Variants in ETV1 observed in about 807,000 individuals in gnomAD.
ETV1 encodes the protein ETS translocation variant 1.
A neutral mutation model predicts 62.3 loss-of-function variants in ETV1; 27 were observed. The observed-to-expected ratio is 0.43, with a 90% confidence interval of 0.32 to 0.60. The LOEUF (loss-of-function observed/expected upper bound fraction) is 0.60, where lower values mean the gene tolerates loss of function less well. Among genes scored for constraint, ETV1 ranks in the 20% least tolerant of loss-of-function variants. The pLI is 0.06. For missense variants in ETV1, 605 were observed against 605.8 expected, an observed-to-expected ratio of 1.00 and a Z score of 0.01; for synonymous variants, 222 against 199.6, an observed-to-expected ratio of 1.11 and a Z score of -0.94.
intron 6 of ETV1, among the ~76,000 whole-genome samples, chr7:13,962,211 G>T (rs976375756): frequency 6.6e-6 from 1 of 151,308 alleles, no homozygotes; most frequent in Non-Finnish European, 1.5e-5. Context: ...ACGTGTGTGT[G>T]TGTATATATA....
chr7:13,923,266 T>C (rs932332418), intron 9 of ETV1, among the ~76,000 whole-genome samples: 3 of 152,240 alleles, frequency 2.0e-5, no homozygotes, highest in Non-Finnish European at 4.4e-5. Context: ...TTATAAACTC[T>C]GCAAGGGGAA....
chr7:13,913,200 T>C (rs746584955), intron 9 of ETV1, among the ~76,000 whole-genome samples: 11 of 152,196 alleles, frequency 7.2e-5, no homozygotes, highest in Middle Eastern at 3.2e-3. Flanking sequence ...ACGAATAAAA[T>C]GTACAAAGTT....
chr7:13,934,824 A>G (rs150306047), intron 8 of ETV1, among the ~76,000 whole-genome samples: 209 of 152,264 alleles, frequency 1.4e-3, no homozygotes, highest in African/African-American at 4.6e-3. Flanking sequence ...TGGGCCATGA[A>G]AGCAATATGT....
At chr7:13,965,352 C>G (rs1438035731) in intron 6 of ETV1, among the ~76,000 whole-genome samples, 1 of 152,194 alleles carries the variant, frequency 6.6e-6, no homozygotes, top group Non-Finnish European at 1.5e-5. Flanking sequence ...TGAGACAAAC[C>G]TCTATTGGAA....
At chr7:13,911,200 A>C in intron 10 of ETV1, 39 bp downstream of exon 10, 1 of 1,408,010 alleles carries the variant, frequency 7.1e-7, no homozygotes. Context: ...GATTATTCTG[A>C]ACGGTATTTA....
intron 5 of ETV1, among the ~76,000 whole-genome samples, chr7:13,981,265 TCTC>T (rs1377221448): frequency 1.3e-5 from 2 of 152,002 alleles, no homozygotes; most frequent in Non-Finnish European, 2.9e-5. Context: ...AGACAGCTGA[TCTC>T]CTCAGCAATT....
intron 11 of ETV1, among the ~76,000 whole-genome samples, chr7:13,908,697 G>A (rs370498633): frequency 2.0e-5 from 3 of 152,002 alleles, no homozygotes; most frequent in African/African-American, 4.8e-5. Flanking sequence ...CACAAAGCTC[G>A]GGAACATGGG....
intron 13 of ETV1, 149 bp from the exon 14 acceptor site, chr7:13,896,236 TAA>T (rs5882422): frequency 2.2e-4 from 104 of 480,340 alleles, no homozygotes; most frequent in Middle Eastern, 5.5e-4. Context: ...CAGATACACA[TAA>T]AAAAAAAAAA....
chr7:13,953,073 C>T (rs375309303), intron 6 of ETV1, among the ~76,000 whole-genome samples: 7 of 152,294 alleles, frequency 4.6e-5, no homozygotes, highest in African/African-American at 2.4e-5. Context: ...CAAATCAGAT[C>T]GTCCTACCCC....
intron 5 of ETV1, among the ~76,000 whole-genome samples, chr7:13,984,282 T>C (rs1045330884): frequency 6.6e-6 from 1 of 151,944 alleles, no homozygotes; most frequent in African/African-American, 2.4e-5. Context: ...TGAAAAGAAA[T>C]ATGTAAACGG....
chr7:13,945,346 T>G (rs1788029501), intron 6 of ETV1, among the ~76,000 whole-genome samples: 1 of 152,182 alleles, frequency 6.6e-6, no homozygotes, highest in African/African-American at 2.4e-5. Context: ...CAAGGATTCT[T>G]ACAAGTTCTC....
chr7:13,939,088 T>G (rs761027189), intron 7 of ETV1, 29 bp downstream of exon 7: 2 of 1,600,470 alleles, frequency 1.2e-6, no homozygotes, highest in Admixed American at 3.5e-5. Flanking sequence ...AGAACCACTA[T>G]CCTACATACA....
chr7:13,895,803 A>T lies in ETV1; in HGVS notation c.*63T>A. The T allele has an allele frequency of 9.5e-7, 1 of 1,048,852 alleles. No homozygotes were observed. The highest frequency in any genetic ancestry group is 2.5e-5 in the East Asian group (1 of 39,430). 65.0% of individuals were successfully genotyped at this position (1,048,852 alleles called of 1,614,324 possible). A position where few individuals can be genotyped will look rare whatever the true frequency, so the allele number is the denominator to read the frequency against. ...ACAGAAATAAAACAAAGATTCAGCA[A>T]TTCTCTGTATCTTGCAGAAAAAAGG... On this transcript the variant is annotated 3_prime_UTR_variant, in exon 14 of 14. Transcript: ENST00000430479.
chr7:13,949,396 C>T (rs1788538219), intron 6 of ETV1, among the ~76,000 whole-genome samples: 1 of 152,094 alleles, frequency 6.6e-6, no homozygotes, highest in Non-Finnish European at 1.5e-5. Context: ...CAGTTAAATT[C>T]TAGAAGCAAA....
At chr7:13,966,705 T>G (rs953471942) in intron 6 of ETV1, among the ~76,000 whole-genome samples, 1 of 152,062 alleles carries the variant, frequency 6.6e-6, no homozygotes, top group Admixed American at 6.6e-5. Flanking sequence ...CCTAAGCACA[T>G]TTTCTTCAAT....
At chr7:13,910,841 T>G (rs1783488411) in intron 10 of ETV1, among the ~76,000 whole-genome samples, 1 of 152,212 alleles carries the variant, frequency 6.6e-6, no homozygotes, top group Non-Finnish European at 1.5e-5. Flanking sequence ...CCAGAACATT[T>G]AAAGGTGAAA....
At chr7:13,956,467 T>C (rs1789476687) in intron 6 of ETV1, among the ~76,000 whole-genome samples, 1 of 152,202 alleles carries the variant, frequency 6.6e-6, no homozygotes, top group Non-Finnish European at 1.5e-5. Flanking sequence ...ACCAAGATAG[T>C]TCACCTGTTA....
chr7:13,902,442 G>C (rs1782537370), intron 12 of ETV1, among the ~76,000 whole-genome samples: 1 of 151,666 alleles, frequency 6.6e-6, no homozygotes, highest in African/African-American at 2.4e-5. Context: ...CAATCACAGT[G>C]GCAGGAACAT....
chr7:13,915,184 C>T (rs1384717108), intron 9 of ETV1, among the ~76,000 whole-genome samples: 1 of 152,148 alleles, frequency 6.6e-6, no homozygotes. Context: ...TGATTATACA[C>T]TTGACTAACT....
Sources: allele counts gnomAD v4.1 joint callset (sites outside exome capture counted in the v4.1 genomes callset), GRCh38; gene constraint gnomAD v4.1.1; transcripts MANE v1.5; gene names NCBI Gene and HGNC (gene_info 2026-07-23, HGNC 2026-07-21).